PCDH15: variants seen among roughly 807,000 people sequenced by gnomAD.
PCDH15 encodes protocadherin related 15, also known as protocadherin-15.
A neutral mutation model predicts 178.5 loss-of-function variants in PCDH15; 129 were observed. The ratio of observed to expected loss-of-function variants is 0.72; its 90% CI spans 0.63 to 0.84. The LOEUF is 0.84. PCDH15 is among the 40% of genes least tolerant of loss of function. The pLI, the probability that PCDH15 is intolerant of heterozygous loss-of-function variation, is 0.00. For missense variants in PCDH15, 2,230 were observed against 2,099.9 expected (o/e 1.06, Z -1.21); for synonymous variants, 800 against 732.0 (o/e 1.09, Z -1.50).
chr10:54,638,875 G>GT (rs139148497), intron 2 of PCDH15, among the ~76,000 whole-genome samples: 4,053 of 150,706 alleles, frequency 0.027, 164 homozygotes, highest in African/African-American at 0.087. Flanking sequence ...ACGAAATTAT[G>GT]TTTTTTTTTG....
intron 7 of PCDH15, among the ~76,000 whole-genome samples, chr10:54,318,551 A>G (rs2061413736): frequency 6.6e-6 from 1 of 152,160 alleles, no homozygotes; most frequent in Admixed American, 6.5e-5. Flanking sequence ...CTTAGTTTTT[A>G]CTTAATGTCA....
chr10:54,686,492 C>T (rs143592285), intron 1 of PCDH15, among the ~76,000 whole-genome samples: 2,248 of 152,096 alleles, frequency 0.015, 25 homozygotes, highest in Non-Finnish European at 0.022. Flanking sequence ...ATTGCTGAGA[C>T]GAACATCATG....
At chr10:54,714,878 T>C (rs1405890465) in intron 1 of PCDH15, among the ~76,000 whole-genome samples, 1 of 152,164 alleles carries the variant, frequency 6.6e-6, no homozygotes, top group Non-Finnish European at 1.5e-5. Context: ...CTTTGTGGTA[T>C]AAACAAATAT....
At chr10:54,540,994 C>T (rs2085149004) in intron 2 of PCDH15, among the ~76,000 whole-genome samples, 1 of 152,082 alleles carries the variant, frequency 6.6e-6, no homozygotes, top group South Asian at 2.1e-4. Flanking sequence ...AACTCTGTAT[C>T]AAGGGAACAT....
intron 21 of PCDH15, among the ~76,000 whole-genome samples, chr10:53,984,174 G>T: frequency 9.1e-6 from 1 of 109,650 alleles, no homozygotes; most frequent in African/African-American, 4.0e-5. Context: ...TTTTGAGGCA[G>T]AGTCTTGCTC....
intron 2 of PCDH15, among the ~76,000 whole-genome samples, chr10:54,614,933 T>C (rs2134305784): frequency 6.6e-6 from 1 of 152,202 alleles, no homozygotes; most frequent in South Asian, 2.1e-4. Flanking sequence ...GGCTAATATA[T>C]GATATGTATA....
At chr10:53,898,897 T>C (rs1180747217) in intron 26 of PCDH15, among the ~76,000 whole-genome samples, 1 of 152,142 alleles carries the variant, frequency 6.6e-6, no homozygotes, top group South Asian at 2.1e-4. Flanking sequence ...AAGTGTGAGG[T>C]AGGAGAAATA....
intron 2 of PCDH15, chr10:55,469,013 GTTT>G (rs980780842): frequency 6.6e-6 from 1 of 151,604 alleles, no homozygotes; most frequent in African/African-American, 2.4e-5. Context: ...AAAAAAAAGT[GTTT>G]TTTTTAAAAG....
chr10:54,619,178 T>G (rs1172148735), intron 2 of PCDH15: 1 of 151,958 alleles, frequency 6.6e-6, no homozygotes, highest in Non-Finnish European at 1.5e-5. Context: ...GACAATGAAA[T>G]TGAAGACCCC....
At chr10:53,996,056 C>T (rs929817913) in intron 20 of PCDH15, among the ~76,000 whole-genome samples, 21 of 152,062 alleles carry the variant, frequency 1.4e-4, no homozygotes, top group Admixed American at 1.2e-3. Flanking sequence ...TTTTTTCTAA[C>T]TTCTAATGGT....
At chr10:54,761,180 TC>T (rs1268788889) in intron 1 of PCDH15, among the ~76,000 whole-genome samples, 2 of 152,074 alleles carry the variant, frequency 1.3e-5, no homozygotes, top group Non-Finnish European at 2.9e-5. Context: ...AATTCTACAC[TC>T]CTTGCCTTTC....
rs192041409 is a variant in PCDH15, at chr10:54,482,397, T to C, written c.157+45415A>G. Among the ~76,000 whole-genome samples the C allele has an allele frequency of 6.2e-3, 940 of 151,862 alleles. 6 individuals carry two copies. The highest frequency in any genetic ancestry group is 0.01 in the Non-Finnish European group (704 of 67,828). ...TAAAAGCAGATTCAAGTGATAGAGA[T>C]TGATATCCCAATTAAATTAAAAGAA... On this transcript the variant is annotated intron_variant, in intron 3 of 37. Transcript: ENST00000644397.
chr10:55,100,619 G>A (rs922159403), intron 2 of PCDH15, among the ~76,000 whole-genome samples: 2 of 152,124 alleles, frequency 1.3e-5, no homozygotes, highest in Non-Finnish European at 2.9e-5. Flanking sequence ...AAGAGAGGAA[G>A]CAAGAGAGGG....
At chr10:55,059,865 G>A (rs1057511710) in intron 2 of PCDH15, among the ~76,000 whole-genome samples, 1 of 151,754 alleles carries the variant, frequency 6.6e-6, no homozygotes, top group African/African-American at 2.4e-5. Context: ...TATTGCATGC[G>A]ATTTTAAAAT....
At chr10:54,196,388 C>T (rs868104225) in intron 10 of PCDH15, among the ~76,000 whole-genome samples, 2 of 152,010 alleles carry the variant, frequency 1.3e-5, no homozygotes, top group Non-Finnish European at 2.9e-5. Context: ...GTGATCCGCC[C>T]GCCTCAGCCT....
intron 2 of PCDH15, among the ~76,000 whole-genome samples, chr10:55,516,836 T>C (rs1841024642): frequency 6.6e-6 from 1 of 152,170 alleles, no homozygotes; most frequent in Non-Finnish European, 1.5e-5. Flanking sequence ...TTCAGATTTT[T>C]TTTGTGAATT....
chr10:54,823,150 G>A (rs560103955), intron 3 of PCDH15, among the ~76,000 whole-genome samples: 1 of 152,098 alleles, frequency 6.6e-6, no homozygotes, highest in Admixed American at 6.6e-5. Flanking sequence ...CTAAAATGCT[G>A]GGATTACAGG....
intron 3 of PCDH15, among the ~76,000 whole-genome samples, chr10:54,864,013 T>C (rs1485569954): frequency 6.6e-6 from 1 of 152,182 alleles, no homozygotes; most frequent in South Asian, 2.1e-4. Flanking sequence ...CATCATGCCA[T>C]GTAGATCAGT....
chr10:54,340,510 A>G (rs1356341741), intron 6 of PCDH15, among the ~76,000 whole-genome samples: 1 of 152,230 alleles, frequency 6.6e-6, no homozygotes, highest in Admixed American at 6.5e-5. Flanking sequence ...ATGGGTCTGC[A>G]GCAACTCGGT....
Sources: allele counts gnomAD v4.1 joint callset (sites outside exome capture counted in the v4.1 genomes callset), GRCh38; gene constraint gnomAD v4.1.1; transcripts MANE v1.5; gene names NCBI Gene and HGNC (gene_info 2026-07-23, HGNC 2026-07-21).